The following RIMBP2 variants were observed in gnomAD, a reference collection of about 807,000 sequenced individuals.
The protein encoded by RIMBP2 is RIMS-binding protein 2.
Under a neutral mutation model 118.6 loss-of-function variants are expected in RIMBP2, and 48 were observed. The ratio of observed to expected loss-of-function variants is 0.40; its 90% CI spans 0.32 to 0.51. The LOEUF (loss-of-function observed/expected upper bound fraction) is 0.51. Ranked by LOEUF, RIMBP2 falls within the 20% of genes least tolerant of loss-of-function variation. RIMBP2 has a pLI of 0.41. For missense variants in RIMBP2, 1,551 were observed against 1,768.3 expected, an observed-to-expected ratio of 0.88 and a Z score of 2.20; for synonymous variants, 762 against 742.9, an observed-to-expected ratio of 1.03 and a Z score of -0.42.
At chr12:130,682,482 C>T (rs547308765) in intron 1 of RIMBP2, among the ~76,000 whole-genome samples, 7 of 152,370 alleles carry the variant, frequency 4.6e-5, no homozygotes, top group Admixed American at 1.3e-4. Flanking sequence ...CTAACACCAG[C>T]GCCGCTTATG....
intron 1 of RIMBP2, among the ~76,000 whole-genome samples, chr12:130,662,354 G>A (rs949434344): frequency 3.9e-4 from 60 of 152,110 alleles, no homozygotes; most frequent in Non-Finnish European, 5.1e-4. Context: ...CAAGCCACCT[G>A]GGAAGCTTTT....
At chr12:130,449,594 T>C (rs2078824474) in intron 9 of RIMBP2, among the ~76,000 whole-genome samples, 1 of 151,708 alleles carries the variant, frequency 6.6e-6, no homozygotes, top group Non-Finnish European at 1.5e-5. Flanking sequence ...CCTTTCACTC[T>C]CGGTGGCGGG....
chr12:130,670,241 C>T lies in RIMBP2; in HGVS notation c.-351-41785G>A, dbSNP rs908213177. On this transcript the variant is annotated intron_variant, in intron 1 of 22. Coordinates refer to ENST00000690449, the MANE Select transcript of RIMBP2 (RefSeq NM_001393629.1). This position sits in a 1 kb window ranked among gnomAD's most constrained non-coding sequence, Gnocchi z 4.9. The stretch of plus-strand genomic sequence containing the variant: ...CACAGCCCCGCCGACACCATGATCC[C>T]GGCCCCAGGACCTCAGACTTCCGAT... Among the ~76,000 whole-genome samples the T allele has an allele frequency of 2.6e-5, 4 of 152,058 alleles. No homozygotes were observed. The highest frequency in any genetic ancestry group is 1.9e-4 in the East Asian group (1 of 5,166).
chr12:130,439,759 C>CTGTGTGTGTGTGTATGTGGG (rs1566038805), intron 11 of RIMBP2, among the ~76,000 whole-genome samples: 1 of 93,866 alleles, frequency 1.1e-5, no homozygotes, highest in Non-Finnish European at 2.1e-5. Context: ...GTGGGGGTGT[C>CTGTGTGTGTGTGTATGTGGG]TGTGTGTGTG....
Position 130,475,902 on chromosome 12 carries a change from A to G in RIMBP2, c.102+3010T>C, listed in dbSNP as rs1188271236. On this transcript the variant is annotated intron_variant, in intron 5 of 22. Coordinates refer to ENST00000690449, the MANE Select transcript of RIMBP2 (RefSeq NM_001393629.1). This position sits in a 1 kb window ranked among gnomAD's most constrained non-coding sequence, Gnocchi z 4.1. Reference sequence around the variant, plus strand: ...GGGACGTGGCGTCCGAGGCCCCCCAAGCAGTGGTGTCAAGCAGAGGGTGAG... The same window carrying G: ...GGGACGTGGCGTCCGAGGCCCCCCAGGCAGTGGTGTCAAGCAGAGGGTGAG... Among the ~76,000 whole-genome samples, 2 of 152,026 alleles carry G rather than the reference A, an allele frequency of 1.3e-5. No individual in the cohort carries two copies. The highest frequency in any genetic ancestry group is 2.9e-5 in the Non-Finnish European group (2 of 68,012).
rs542073291 is a variant in RIMBP2, at chr12:130,488,453, G to C, written c.-3-9437C>G. ...TGGGGGCCGTAAGTTTAATATTAGT[G>C]AGGTCTACGAACCAGCCAAAAAAAA... On this transcript the variant is annotated intron_variant, in intron 4 of 22. Coordinates refer to ENST00000690449, the MANE Select transcript of RIMBP2 (RefSeq NM_001393629.1). Among the ~76,000 whole-genome samples, 230 of 152,136 alleles carry C rather than the reference G, an allele frequency of 1.5e-3. 1 individual carries two copies. Among genetic ancestry groups the C allele is most frequent in the African/African-American group, 5.4e-3 (226 of 41,474 alleles).
In RIMBP2 at chr12:130,581,978, G is replaced by T. The variant is rs1224778351; in HGVS notation, c.-217+46344C>A. 1.3e-5 allele frequency among the ~76,000 whole-genome samples: 2 copies of T among 151,628 alleles called. No individual in the cohort carries two copies. Among genetic ancestry groups the T allele is most frequent in the African/African-American group, 4.9e-5 (2 of 41,224 alleles). The stretch of plus-strand genomic sequence containing the variant: ...TCACTTCACCACCACCACCACCACC[G>T]ACCTCAGGACCTTTGCACCTGCTGC... On this transcript the variant is annotated intron_variant, in intron 2 of 22. Transcript: ENST00000690449. This position sits in a 1 kb window ranked among gnomAD's most constrained non-coding sequence, Gnocchi z 4.4.
intron 1 of RIMBP2, among the ~76,000 whole-genome samples, chr12:130,665,355 TC>T (rs1348614201): frequency 6.6e-6 from 1 of 151,394 alleles, no homozygotes; most frequent in African/African-American, 2.5e-5. Context: ...TGAAATCCCA[TC>T]CCTACTAAAA....
chr12:130,438,337 C>CCCA, intron 12 of RIMBP2, 28 bp downstream of exon 12: 2 of 1,214,102 alleles, frequency 1.6e-6, no homozygotes, highest in Non-Finnish European at 2.4e-6. Context: ...CCTAACAAAC[C>CCCA]CTCCCCACCC....
intron 1 of RIMBP2, chr12:130,660,507 T>A (rs6486562): frequency 0.98 from 149,235 of 151,884 alleles, 73,365 homozygotes; most frequent in Middle Eastern, 1. Context: ...TGAAATGGGG[T>A]CGTGAATATG....
intron 1 of RIMBP2, among the ~76,000 whole-genome samples, chr12:130,645,454 C>T (rs1274724876): frequency 6.6e-6 from 1 of 152,234 alleles, no homozygotes; most frequent in Non-Finnish European, 1.5e-5. Flanking sequence ...CTGCTCTTCC[C>T]CAGCACTGGC....
chr12:130,532,786 T>TGG (rs2053594776), intron 2 of RIMBP2, among the ~76,000 whole-genome samples: 1 of 144,962 alleles, frequency 6.9e-6, no homozygotes, highest in African/African-American at 2.5e-5. Context: ...CTCTAGGAGT[T>TGG]ACGTCTAATG....
rs199628435 is a variant in RIMBP2 at position 130,584,297 on chromosome 12, ACATCACCACCATCACCTC to A, written c.-217+44007_-217+44024del. Among the ~76,000 whole-genome samples the A allele has an allele frequency of 8.6e-3, 138 of 15,982 alleles. 5 individuals are homozygous for A. The highest frequency in any genetic ancestry group is 0.014 in the Non-Finnish European group (95 of 6,566). 10.5% of individuals were successfully genotyped at this position (15,982 alleles called of 152,430 possible). ...TCACCTCATCGCCATCACCACCATC[ACATCACCACCATCACCTC>A]CATCACCACCATCACCTCATCACCA... On this transcript the variant is annotated intron_variant, in intron 2 of 22. Transcript: ENST00000690449.
chr12:130,546,723 C>T (rs1036273706), intron 2 of RIMBP2, among the ~76,000 whole-genome samples: 2 of 152,194 alleles, frequency 1.3e-5, no homozygotes, highest in Admixed American at 6.5e-5. Context: ...ACTGGCAGCC[C>T]ACCAGGCTGC....
chr12:130,646,123 C>T (rs1161763971), intron 1 of RIMBP2, among the ~76,000 whole-genome samples: 1,177 of 88,392 alleles, frequency 0.013, 45 homozygotes, highest in Admixed American at 0.019. Flanking sequence ...CCCTCACCAC[C>T]TGCCTCTCCA....
chr12:130,473,419 G>A (rs1416223856), intron 5 of RIMBP2, among the ~76,000 whole-genome samples: 2 of 152,218 alleles, frequency 1.3e-5, no homozygotes, highest in East Asian at 3.9e-4. Flanking sequence ...CCTGCGGCAG[G>A]AGCAGCAGCA....
chr12:130,566,175 G>GCACACACACA (rs3047801), intron 2 of RIMBP2, among the ~76,000 whole-genome samples: 51 of 148,216 alleles, frequency 3.4e-4, no homozygotes, highest in African/African-American at 1.0e-3. Context: ...ATACACACAT[G>GCACACACACA]CACACACACA....
chr12:130,601,022 T>C (rs1315849730), intron 2 of RIMBP2, among the ~76,000 whole-genome samples: 1 of 152,104 alleles, frequency 6.6e-6, no homozygotes, highest in Admixed American at 6.5e-5. Flanking sequence ...AGTACACCCT[T>C]CATTTCCTGC....
At chr12:130,655,962 G>A (rs573107802) in intron 1 of RIMBP2, among the ~76,000 whole-genome samples, 5 of 152,316 alleles carry the variant, frequency 3.3e-5, no homozygotes, top group East Asian at 1.9e-4. Context: ...TGGTGGGAGC[G>A]CTGTCCTGGA....
Sources: gnomAD v4.1 joint callset for allele counts (sites outside exome capture counted in the v4.1 genomes callset) on GRCh38, gnomAD v4.1.1 for gene constraint, Gnocchi (gnomAD v3.1) non-coding constraint, MANE v1.5 for transcripts, NCBI Gene and HGNC (gene_info 2026-07-23, HGNC 2026-07-21) for gene names.